Variants in MARCHF10 observed in about 807,000 individuals in gnomAD.
MARCHF10 encodes probable E3 ubiquitin-protein ligase MARCHF10.
In MARCHF10, 64 loss-of-function variants were observed where a neutral mutation model predicts 76.2. The ratio of observed to expected loss-of-function variants is 0.84; its 90% CI spans 0.69 to 1.03. The LOEUF is 1.03. Among genes scored for constraint, MARCHF10 ranks in the 50% least tolerant of loss-of-function variants. The probability of loss-of-function intolerance (pLI) is 0.00; values close to 1 mark genes in which losing one functional copy is unlikely to be tolerated. For missense variants in MARCHF10, 875 were observed against 958.0 expected, an observed-to-expected ratio of 0.91 and a Z score of 1.14; for synonymous variants, 340 against 357.5, an observed-to-expected ratio of 0.95 and a Z score of 0.55.
chr17:62,792,776 C>A (rs1470244434), intron 2 of MARCHF10, among the ~76,000 whole-genome samples: 316 of 138,118 alleles, frequency 2.3e-3, no homozygotes, highest in African/African-American at 9.0e-3. Flanking sequence ...CCATCACTAC[C>A]ACCACCACCT....
At chr17:62,792,851 C>A (rs1201735278) in intron 2 of MARCHF10, among the ~76,000 whole-genome samples, 2 of 147,720 alleles carry the variant, frequency 1.4e-5, no homozygotes, top group Non-Finnish European at 3.0e-5. Context: ...CCTCCACCAC[C>A]ACCACAACCA....
rs1434704627 is a variant in MARCHF10 at position 62,705,674 on chromosome 17, A to G, written c.2329-93T>C. 61 of 1,477,556 alleles carry G rather than the reference A, an allele frequency of 4.1e-5. No individual in the cohort carries two copies. In the Middle Eastern group the frequency reaches 2.3e-3, roughly 55 times the overall value. 91.5% of individuals were successfully genotyped at this position (1,477,556 alleles called of 1,614,324 possible). A position where few individuals can be genotyped will look rare whatever the true frequency, so the allele number is the denominator to read the frequency against. On this transcript the variant is annotated intron_variant, in intron 9 of 10. Coordinates refer to ENST00000311269, the MANE Select transcript of MARCHF10 (RefSeq NM_152598.4). ...TCCTAGTCGCAGCAACGTTCTAGGA[A>G]TCCCTTACACCACTTTAAAGGGGCA...
rs2093193573 is a variant in MARCHF10 at position 62,808,293 on chromosome 17, G to A, written c.-234C>T. ...CGCGGCGCCGGCCGGCCTTGCCTGG[G>A]GCGGAGGCGGTGGGGGCGGCTACCG... is the stretch of plus-strand genomic sequence containing the variant. On this transcript the variant is annotated 5_prime_UTR_variant, in exon 1 of 11. Transcript: ENST00000311269. The A allele has an allele frequency of 6.6e-6, 1 of 152,296 alleles. No individual in the cohort carries two copies. The highest frequency in any genetic ancestry group is 1.5e-5 in the Non-Finnish European group (1 of 68,116). The allele number at this position is 152,296 out of a possible 1,614,324, so 9.4% of individuals were successfully genotyped here.
At chr17:62,803,134 T>G (rs937484639) in intron 1 of MARCHF10, among the ~76,000 whole-genome samples, 2 of 151,966 alleles carry the variant, frequency 1.3e-5, no homozygotes, top group African/African-American at 4.8e-5. Context: ...AAAAGAAAAT[T>G]GAAAATTAGC....
intron 6 of MARCHF10, among the ~76,000 whole-genome samples, chr17:62,729,489 T>C (rs1463283274): frequency 6.7e-6 from 1 of 148,198 alleles, no homozygotes; most frequent in Non-Finnish European, 1.5e-5. Flanking sequence ...ATATTTATTA[T>C]ATAAATATAC....
Position 62,788,615 on chromosome 17 carries a change from AATAAAATGT to A in MARCHF10, c.91-25_91-17del. 6.2e-7 allele frequency: 1 copy of A among 1,613,718 alleles called. No homozygotes were observed. The highest frequency in any genetic ancestry group is 1.1e-5 in the South Asian group (1 of 91,070). On this transcript the variant is annotated splice_polypyrimidine_tract_variant and intron_variant, in intron 2 of 10. Transcript: ENST00000311269. ...TCAGACAAGCCTGAAGAACAACAAC[AATAAAATGT>A]TTGTCTTAGGACCATGGCAAGCTTG...
intron 6 of MARCHF10, among the ~76,000 whole-genome samples, chr17:62,734,693 A>G (rs1040071669): frequency 3.9e-5 from 6 of 152,202 alleles, no homozygotes; most frequent in Admixed American, 3.9e-4. Context: ...TGTATTTTTA[A>G]TATTTCCCAA....
chr17:62,712,230 G>A lies in MARCHF10; in HGVS notation c.2215-886C>T, dbSNP rs1314404335. 1.3e-5 allele frequency among the ~76,000 whole-genome samples: 2 copies of A among 152,234 alleles called. No homozygotes were observed. The highest frequency in any genetic ancestry group is 6.5e-5 in the Admixed American group (1 of 15,286). Reference sequence around the variant, plus strand: ...GGATGGGCCAGGCTGTGCTCACAAAGCCACCCAGCCCCCGGGGAATAGAGT... The same window carrying A: ...GGATGGGCCAGGCTGTGCTCACAAAACCACCCAGCCCCCGGGGAATAGAGT... On this transcript the variant is annotated intron_variant, in intron 8 of 10. Transcript: ENST00000311269. The surrounding 1 kb of genome is among the most constrained non-coding windows in gnomAD (Gnocchi z 4.2).
At chr17:62,788,087 A>G (rs1242327153) in intron 3 of MARCHF10, among the ~76,000 whole-genome samples, 1 of 152,192 alleles carries the variant, frequency 6.6e-6, no homozygotes, top group African/African-American at 2.4e-5. Flanking sequence ...ACTAGGCCCA[A>G]CCTTGCATCA....
intron 2 of MARCHF10, among the ~76,000 whole-genome samples, chr17:62,788,891 G>A (rs528333558): frequency 2.2e-4 from 33 of 147,152 alleles, no homozygotes; most frequent in African/African-American, 7.4e-4. Flanking sequence ...GTGAAACCCC[G>A]TCTCTACTAA....
At chr17:62,780,777 T>A (rs545047429) in intron 3 of MARCHF10, among the ~76,000 whole-genome samples, 2 of 152,168 alleles carry the variant, frequency 1.3e-5, no homozygotes, top group Non-Finnish European at 2.9e-5. Flanking sequence ...TCCTTTCCAG[T>A]GAGGATACAG....
intron 4 of MARCHF10, chr17:62,750,684 C>T (rs1286187467): frequency 6.6e-6 from 1 of 152,404 alleles, no homozygotes; most frequent in Non-Finnish European, 1.5e-5. Flanking sequence ...GGCACCTGGC[C>T]TAGATCTCAG....
At chr17:62,778,107 G>A (rs1444974642) in intron 3 of MARCHF10, among the ~76,000 whole-genome samples, 2 of 152,210 alleles carry the variant, frequency 1.3e-5, no homozygotes, top group Non-Finnish European at 2.9e-5. Context: ...GTACCCCATG[G>A]TGGGCATGAG....
intron 10 of MARCHF10, 59 bp from the exon 11 acceptor site, chr17:62,701,817 A>G: frequency 6.2e-7 from 1 of 1,607,256 alleles, no homozygotes. Flanking sequence ...GGTCTGTTAC[A>G]GGGGGCACGG....
chr17:62,757,731 G>T (rs745550968), intron 4 of MARCHF10, among the ~76,000 whole-genome samples: 1 of 152,198 alleles, frequency 6.6e-6, no homozygotes, highest in African/African-American at 2.4e-5. Flanking sequence ...GGGCCAGAAC[G>T]CAGTGATGAA....
At chr17:62,715,347 TG>T (rs1377258430) in intron 8 of MARCHF10, among the ~76,000 whole-genome samples, 1 of 152,238 alleles carries the variant, frequency 6.6e-6, no homozygotes, top group African/African-American at 2.4e-5. Context: ...CCACGCCCAA[TG>T]GCAGGATACC....
intron 7 of MARCHF10, among the ~76,000 whole-genome samples, chr17:62,724,283 C>T (rs772882422): frequency 1.3e-5 from 2 of 151,678 alleles, no homozygotes; most frequent in African/African-American, 2.4e-5. Context: ...GCCGACCTAC[C>T]GATGTGGTTG....
At chr17:62,791,474 C>T (rs1013625323) in intron 2 of MARCHF10, among the ~76,000 whole-genome samples, 12 of 152,136 alleles carry the variant, frequency 7.9e-5, no homozygotes, top group Admixed American at 2.6e-4. Context: ...AGAATGCATA[C>T]GACTTAAATA....
chr17:62,768,989 T>G (rs1425065850), intron 3 of MARCHF10, among the ~76,000 whole-genome samples: 3 of 152,266 alleles, frequency 2.0e-5, no homozygotes, highest in Non-Finnish European at 4.4e-5. Flanking sequence ...TTTGGCTTTT[T>G]AATTATTTTT....
Sources: allele counts gnomAD v4.1 joint callset (sites outside exome capture counted in the v4.1 genomes callset), GRCh38; gene constraint gnomAD v4.1.1; non-coding constraint Gnocchi (gnomAD v3.1); transcripts MANE v1.5; gene names NCBI Gene and HGNC (gene_info 2026-07-23, HGNC 2026-07-21).